TBL1X: variants seen among roughly 807,000 people sequenced by gnomAD.
TBL1X encodes the protein F-box-like/WD repeat-containing protein TBL1X.
TBL1X carries 10 observed loss-of-function variants against 50.7 expected under a neutral mutation model. The observed-to-expected ratio is 0.20, with a 90% confidence interval of 0.12 to 0.33. TBL1X has a LOEUF of 0.33. TBL1X is among the 10% of genes least tolerant of loss of function. The pLI, the probability that TBL1X is intolerant of heterozygous loss-of-function variation, is 1.00. For missense variants in TBL1X, 340 were observed against 504.4 expected, an observed-to-expected ratio of 0.67 and a Z score of 3.12; for synonymous variants, 190 against 214.7, an observed-to-expected ratio of 0.88 and a Z score of 1.01.
At position 9,709,298 on chromosome X, in the gene TBL1X, C is replaced by A. The variant is rs1437186339; in HGVS notation, c.1287C>A (p.Ser429=). The part of the protein sequence containing the change: ...KWDPSGMLLA[S]CSDDMTLKIW... ...ATCCGTCTGGAATGTTGCTGGCATC[C>A]TGCTCGGATGACATGACATTGAAGG... Residue 429 remains serine, a synonymous_variant, in exon 14 of 18, where the codon TCC becomes TCA. Coordinates refer to ENST00000645353, the MANE Select transcript of TBL1X (RefSeq NM_005647.4). The A allele has an allele frequency of 2.5e-6, 3 of 1,211,959 alleles. No individual in the cohort carries two copies. The East Asian group carries it at 8.9e-5, about 36-fold the overall frequency.
chrX:9,480,085 G>A (rs1174910214), intron 1 of TBL1X, among the ~76,000 whole-genome samples: 1 of 110,965 alleles, frequency 9.0e-6, no homozygotes, highest in Non-Finnish European at 1.9e-5. Context: ...CCCCGGCGTA[G>A]CTGAGATTAA....
intron 5 of TBL1X, among the ~76,000 whole-genome samples, chrX:9,668,855 C>A (rs1413322334): frequency 9.0e-6 from 1 of 111,167 alleles, no homozygotes; most frequent in African/African-American, 3.3e-5. Context: ...ATGTCATTTT[C>A]TGGCGGGCCT....
At chrX:9,653,250 C>G (rs1219884156) in intron 3 of TBL1X, among the ~76,000 whole-genome samples, 1 of 113,028 alleles carries the variant, frequency 8.8e-6, no homozygotes, top group African/African-American at 3.2e-5. Context: ...GAGTGAGCAG[C>G]TCTTACTGAT....
chrX:9,517,786 G>A (rs1295093854), intron 2 of TBL1X, among the ~76,000 whole-genome samples: 2 of 112,273 alleles, frequency 1.8e-5, no homozygotes, highest in Admixed American at 9.4e-5. Flanking sequence ...TAGAAGCCAC[G>A]AGCTGAAGAT....
intron 12 of TBL1X, among the ~76,000 whole-genome samples, chrX:9,697,697 G>C (rs1444863101): frequency 8.9e-6 from 1 of 111,859 alleles, no homozygotes; most frequent in Non-Finnish European, 1.9e-5. Context: ...CTTGAGCCCA[G>C]GAGATGGAGT....
At chrX:9,529,780 C>CAA (rs60004258) in intron 2 of TBL1X, among the ~76,000 whole-genome samples, 4 of 80,647 alleles carry the variant, frequency 5.0e-5, no homozygotes, top group African/African-American at 8.7e-5. Context: ...CTGTCTCTAC[C>CAA]AAAAAAAAAA....
intron 2 of TBL1X, among the ~76,000 whole-genome samples, chrX:9,583,554 T>C (rs1177727843): frequency 9.0e-6 from 1 of 111,511 alleles, no homozygotes; most frequent in African/African-American, 3.3e-5. Context: ...TAAAGGAAAA[T>C]GTCATTGATA....
rs149737078 is a variant in TBL1X, at chrX:9,546,053, A to G, written c.-131+44204A>G. 4.9e-4 allele frequency among the ~76,000 whole-genome samples: 55 copies of G among 111,843 alleles called. No homozygotes were observed. The East Asian group carries it at 0.014, about 29-fold the overall frequency. ...AGAATCTCCTTCTCCATCCTTGGTGAAGGTGTATTCACCAGATGGCTCCCT... is the reference window on the plus strand; with the variant it reads ...AGAATCTCCTTCTCCATCCTTGGTGGAGGTGTATTCACCAGATGGCTCCCT... On this transcript the variant is annotated intron_variant, in intron 2 of 17. Coordinates refer to ENST00000645353, the MANE Select transcript of TBL1X (RefSeq NM_005647.4).
At chrX:9,663,976 A>G (rs1316170921) in intron 5 of TBL1X, among the ~76,000 whole-genome samples, 2 of 77,975 alleles carry the variant, frequency 2.6e-5, no homozygotes, top group Non-Finnish European at 5.4e-5. Context: ...ACACAGTTCC[A>G]CAGATCTACA....
At chrX:9,598,749 T>C (rs2082538391) in intron 2 of TBL1X, among the ~76,000 whole-genome samples, 1 of 111,127 alleles carries the variant, frequency 9.0e-6, no homozygotes, top group African/African-American at 3.3e-5. Context: ...GGGCTCTTCC[T>C]CCTGAGGGCT....
At chrX:9,466,846 G>GA (rs1381577600) in intron 1 of TBL1X, among the ~76,000 whole-genome samples, 1 of 112,282 alleles carries the variant, frequency 8.9e-6, no homozygotes, top group African/African-American at 3.2e-5. Flanking sequence ...CATTTTTGTG[G>GA]AAAGCCACCA....
intron 2 of TBL1X, among the ~76,000 whole-genome samples, chrX:9,517,981 G>A (rs1401897692): frequency 9.1e-6 from 1 of 109,655 alleles, no homozygotes; most frequent in Non-Finnish European, 1.9e-5. Flanking sequence ...CATGGTGGCA[G>A]TGCTCCTGTA....
chrX:9,710,321 G>A (rs1221422086), intron 15 of TBL1X, among the ~76,000 whole-genome samples: 1 of 110,426 alleles, frequency 9.1e-6, no homozygotes, highest in Non-Finnish European at 1.9e-5. Context: ...TCCTGTTGAC[G>A]GTGCTCGAAT....
At chrX:9,499,299 A>G (rs936848610) in intron 1 of TBL1X, among the ~76,000 whole-genome samples, 2 of 111,770 alleles carry the variant, frequency 1.8e-5, no homozygotes, top group Non-Finnish European at 3.8e-5. Context: ...AGAGTCACAT[A>G]CATGCTAGAG....
intron 1 of TBL1X, among the ~76,000 whole-genome samples, chrX:9,492,522 G>A (rs1008587638): frequency 9.9e-5 from 11 of 111,645 alleles, no homozygotes; most frequent in Admixed American, 7.6e-4. Context: ...TTCTAATCAT[G>A]TTTTGTCTAA....
chrX:9,616,561 G>A (rs2082640482), intron 2 of TBL1X, among the ~76,000 whole-genome samples: 1 of 111,921 alleles, frequency 8.9e-6, no homozygotes, highest in Admixed American at 9.5e-5. Context: ...CACGCAGGTT[G>A]AATGGAGTGA....
chrX:9,471,065 G>C (rs2081811777), intron 1 of TBL1X, among the ~76,000 whole-genome samples: 1 of 112,578 alleles, frequency 8.9e-6, no homozygotes, highest in Admixed American at 9.4e-5. Flanking sequence ...TGTTCATTAA[G>C]GACCTTTGCC....
chrX:9,682,093 T>C (rs1187353571), intron 5 of TBL1X, among the ~76,000 whole-genome samples: 1 of 112,519 alleles, frequency 8.9e-6, no homozygotes, highest in African/African-American at 3.2e-5. Flanking sequence ...CTTCCACACT[T>C]TGCCAAAGAC....
intron 1 of TBL1X, among the ~76,000 whole-genome samples, chrX:9,485,039 G>C (rs1026676891): frequency 9.0e-6 from 1 of 110,882 alleles, no homozygotes; most frequent in Non-Finnish European, 1.9e-5. Flanking sequence ...AGTGAGCTGT[G>C]ATTGTGCCAC....
Sources: gnomAD v4.1 joint callset for allele counts (sites outside exome capture counted in the v4.1 genomes callset) on GRCh38, gnomAD v4.1.1 for gene constraint, MANE v1.5 for transcripts, NCBI Gene and HGNC (gene_info 2026-07-23, HGNC 2026-07-21) for gene names.